FSTL5: variants seen among roughly 807,000 people sequenced by gnomAD.
FSTL5 encodes the protein follistatin-related protein 5.
FSTL5 carries 62 observed loss-of-function variants against 89.1 expected under a neutral mutation model. That is an observed-to-expected ratio of 0.70 (90% CI 0.57 to 0.86). FSTL5 has a LOEUF of 0.86. Among genes scored for constraint, FSTL5 ranks in the 40% least tolerant of loss-of-function variants. FSTL5 has a pLI of 0.00. For synonymous variants in FSTL5, 383 were observed against 346.2 expected, an observed-to-expected ratio of 1.11 and a Z score of -1.18; for missense variants, 1,057 against 1,001.6, an observed-to-expected ratio of 1.06 and a Z score of -0.75.
intron 4 of FSTL5, among the ~76,000 whole-genome samples, chr4:161,897,160 A>G (rs1252054911): frequency 6.6e-6 from 1 of 151,784 alleles, no homozygotes; most frequent in African/African-American, 2.4e-5. Context: ...TCAAAATTAA[A>G]CTAGATCATA....
At chr4:161,727,852 A>G (rs566036931) in intron 6 of FSTL5, among the ~76,000 whole-genome samples, 1 of 152,300 alleles carries the variant, frequency 6.6e-6, no homozygotes, top group Admixed American at 6.5e-5. Flanking sequence ...CTGGAAATAG[A>G]GAAAGGAGAG....
intron 13 of FSTL5, among the ~76,000 whole-genome samples, chr4:161,470,730 G>GGTT: frequency 6.6e-6 from 1 of 152,024 alleles, no homozygotes; most frequent in East Asian, 1.9e-4. Flanking sequence ...CATGAACATA[G>GGTT]GTTGTTTTCC....
chr4:162,087,210 T>G (rs1730356151), intron 2 of FSTL5, among the ~76,000 whole-genome samples: 1 of 152,042 alleles, frequency 6.6e-6, no homozygotes, highest in Admixed American at 6.6e-5. Flanking sequence ...TGAAAAAAAG[T>G]AATTCAAATT....
At chr4:161,617,709 G>T (rs1734949354) in intron 7 of FSTL5, among the ~76,000 whole-genome samples, 1 of 152,136 alleles carries the variant, frequency 6.6e-6, no homozygotes, top group Non-Finnish European at 1.5e-5. Context: ...AAAAAGACCT[G>T]AGAATGATGA....
chr4:161,854,016 A>G (rs1280537544), intron 4 of FSTL5, among the ~76,000 whole-genome samples: 1 of 152,208 alleles, frequency 6.6e-6, no homozygotes, highest in Non-Finnish European at 1.5e-5. Flanking sequence ...AGTAAATAAT[A>G]AAAGCTATCA....
chr4:161,573,733 C>CAAAAAAAAAAAAAAAA (rs70937664), intron 8 of FSTL5, among the ~76,000 whole-genome samples: 2 of 50,622 alleles, frequency 4.0e-5, no homozygotes, highest in East Asian at 6.8e-4. Context: ...AACTCCAGCT[C>CAAAAAAAAAAAAAAAA]AAAAAAAAAA....
chr4:161,780,800 T>C (rs978740195), intron 4 of FSTL5, among the ~76,000 whole-genome samples: 4 of 152,208 alleles, frequency 2.6e-5, no homozygotes, highest in Non-Finnish European at 4.4e-5. Flanking sequence ...CTAAAAATTA[T>C]AGATTATACC....
intron 2 of FSTL5, among the ~76,000 whole-genome samples, chr4:162,087,583 C>T (rs1463257903): frequency 6.6e-6 from 1 of 152,154 alleles, no homozygotes; most frequent in Non-Finnish European, 1.5e-5. Flanking sequence ...ACCCTCTGCC[C>T]TCACTTGTTG....
intron 1 of FSTL5, among the ~76,000 whole-genome samples, chr4:162,159,644 G>T (rs1359157331): frequency 6.6e-6 from 1 of 151,984 alleles, no homozygotes; most frequent in Non-Finnish European, 1.5e-5. Context: ...GGGATATCCA[G>T]GCTGTGTTCT....
intron 10 of FSTL5, among the ~76,000 whole-genome samples, chr4:161,536,312 T>G (rs1479816362): frequency 6.6e-6 from 1 of 152,148 alleles, no homozygotes; most frequent in Non-Finnish European, 1.5e-5. Context: ...ATGTGCCATG[T>G]ATATCTAATA....
At chr4:162,054,073 G>T (rs1474681222) in intron 2 of FSTL5, among the ~76,000 whole-genome samples, 1 of 151,726 alleles carries the variant, frequency 6.6e-6, no homozygotes, top group African/African-American at 2.4e-5. Flanking sequence ...TGAATGCACT[G>T]ATACACACAT....
chr4:161,481,936 C>G (rs948885254), intron 12 of FSTL5, among the ~76,000 whole-genome samples: 1 of 152,078 alleles, frequency 6.6e-6, no homozygotes, highest in East Asian at 1.9e-4. Flanking sequence ...TAAGTAAAAG[C>G]GTATGAAATG....
intron 3 of FSTL5, among the ~76,000 whole-genome samples, chr4:162,023,806 A>C (rs568487389): frequency 6.6e-6 from 1 of 152,284 alleles, no homozygotes; most frequent in South Asian, 2.1e-4. Context: ...CATTATCAGA[A>C]TTAACCATAG....
chr4:161,612,387 T>A (rs1734684492), intron 7 of FSTL5, among the ~76,000 whole-genome samples: 2 of 152,154 alleles, frequency 1.3e-5, no homozygotes, highest in Admixed American at 1.3e-4. Flanking sequence ...TCAAGGAAAA[T>A]AAAGTTAGTG....
At chr4:162,066,317 CTT>C (rs1399761469) in intron 2 of FSTL5, among the ~76,000 whole-genome samples, 1 of 89,548 alleles carries the variant, frequency 1.1e-5, no homozygotes, top group Non-Finnish European at 2.1e-5. Context: ...TCTTCTTCTT[CTT>C]CTTCTTCTTC....
intron 10 of FSTL5, among the ~76,000 whole-genome samples, chr4:161,512,439 G>A (rs1378423872): frequency 2.0e-5 from 3 of 152,090 alleles, no homozygotes; most frequent in Admixed American, 2.0e-4. Flanking sequence ...ACATAGTAAT[G>A]TGAATGCATT....
intron 7 of FSTL5, among the ~76,000 whole-genome samples, chr4:161,620,360 A>G (rs1735077865): frequency 6.6e-6 from 1 of 152,156 alleles, no homozygotes. Context: ...AAGAAAAAAG[A>G]AATGCTAACA....
chr4:161,667,042 T>C (rs186866475), intron 6 of FSTL5, among the ~76,000 whole-genome samples: 4 of 152,214 alleles, frequency 2.6e-5, no homozygotes, highest in Admixed American at 2.6e-4. Context: ...GACAGTACAA[T>C]ACTACAGACA....
intron 3 of FSTL5, among the ~76,000 whole-genome samples, chr4:161,994,392 G>T (rs1056189633): frequency 3.3e-5 from 5 of 152,106 alleles, no homozygotes; most frequent in Non-Finnish European, 7.4e-5. Flanking sequence ...CTCTGGGTAT[G>T]CACCCCATAT....
Sources: gnomAD v4.1 joint callset for allele counts (sites outside exome capture counted in the v4.1 genomes callset) on GRCh38, gnomAD v4.1.1 for gene constraint, MANE v1.5 for transcripts, NCBI Gene and HGNC (gene_info 2026-07-23, HGNC 2026-07-21) for gene names.